Variants in EGFR observed in about 807,000 individuals in gnomAD.
EGFR encodes the protein avian erythroblastic leukemia viral (v-erb-b) oncogene homolog.
A neutral mutation model predicts 143.0 loss-of-function variants in EGFR; 58 were observed. That is an observed-to-expected ratio of 0.41 (90% CI 0.33 to 0.50). The LOEUF (loss-of-function observed/expected upper bound fraction) is 0.50, where lower values mean the gene tolerates loss of function less well. Among genes scored for constraint, EGFR ranks in the 20% least tolerant of loss-of-function variants. EGFR has a pLI of 0.39. For synonymous variants in EGFR, 613 were observed against 594.4 expected (o/e 1.03, Z -0.45); for missense variants, 1,307 against 1,579.0 (o/e 0.83, Z 2.92).
At chr7:55,073,485 C>A (rs145254890) in intron 1 of EGFR, among the ~76,000 whole-genome samples, 1 of 152,174 alleles carries the variant, frequency 6.6e-6, no homozygotes, top group Non-Finnish European at 1.5e-5. Context: ...AATACAGACA[C>A]GTTACCAGAA....
Position 55,202,604 on chromosome 7 carries a change from G to A in EGFR, c.3250G>A (p.Asp1084Asn), listed in dbSNP as rs535060253. The A allele has an allele frequency of 1.1e-5, 18 of 1,613,058 alleles. No individual in the cohort carries two copies. Among genetic ancestry groups the A allele is most frequent in the South Asian group, 1.1e-4 (10 of 90,830 alleles). ...CGCCTTGACTGAGGACAGCATAGACGACACCTTCCTCCCAGTGCCTGGTGA... is the reference window on the plus strand; with the variant it reads ...CGCCTTGACTGAGGACAGCATAGACAACACCTTCCTCCCAGTGCCTGGTGA... Reference protein sequence around the residue: ...TGALTEDSIDDTFLPVPEYIN... With the variant: ...TGALTEDSIDNTFLPVPEYIN... The change falls in exon 27 of 28, where the codon GAC (aspartate) becomes AAC (asparagine). Residue 1084 changes from aspartate to asparagine, a missense_variant. Physicochemically the swap from Asp to Asn is conservative, Grantham distance 23. Around this residue, in one of 7 missense-constraint regions of EGFR, gnomAD observed 313 missense variants for 312.3 expected, o/e 1.00. Coordinates refer to ENST00000275493, the MANE Select transcript of EGFR (RefSeq NM_005228.5).
intron 1 of EGFR, among the ~76,000 whole-genome samples, chr7:55,136,886 C>T (rs1445268971): frequency 6.6e-6 from 1 of 152,152 alleles, no homozygotes; most frequent in Non-Finnish European, 1.5e-5. Flanking sequence ...ATCATGTCTA[C>T]AAAATGCCAT....
intron 1 of EGFR, among the ~76,000 whole-genome samples, chr7:55,067,801 T>G (rs143434190): frequency 6.6e-6 from 1 of 151,308 alleles, no homozygotes; most frequent in Non-Finnish European, 1.5e-5. Context: ...TAGTTGCCAT[T>G]GTGTGTGCGC....
At chr7:55,053,087 T>C (rs1250264224) in intron 1 of EGFR, among the ~76,000 whole-genome samples, 1 of 152,166 alleles carries the variant, frequency 6.6e-6, no homozygotes, top group Admixed American at 6.6e-5. Context: ...GAGATGTTAT[T>C]TTGGCTTTTA....
intron 1 of EGFR, among the ~76,000 whole-genome samples, chr7:55,025,650 C>T (rs1786837895): frequency 6.6e-6 from 1 of 152,186 alleles, no homozygotes; most frequent in Non-Finnish European, 1.5e-5. Context: ...TCACATATTT[C>T]CGTGTCAGTT....
In EGFR at chr7:55,211,297, T is replaced by C. The variant is rs1225482128; in HGVS notation, c.*5680T>C. On this transcript the variant is annotated 3_prime_UTR_variant, in exon 28 of 28. Coordinates refer to ENST00000275493, the MANE Select transcript of EGFR (RefSeq NM_005228.5). ...AAAATAATCTTGCTGTACAATACAA[T>C]CTCTTGGAAATTAAGAGATCCTATG... is the stretch of plus-strand genomic sequence containing the variant. 1 of 152,224 alleles carries C rather than the reference T, an allele frequency of 6.6e-6. No individual in the cohort carries two copies. The highest frequency in any genetic ancestry group is 1.9e-4 in the East Asian group (1 of 5,206). 9.4% of individuals were successfully genotyped at this position (152,224 alleles called of 1,614,324 possible).
At chr7:55,171,655 A>G (rs1786359420) in intron 16 of EGFR, among the ~76,000 whole-genome samples, 2 of 152,082 alleles carry the variant, frequency 1.3e-5, no homozygotes, top group Admixed American at 1.3e-4. Flanking sequence ...TTTCTTTCCC[A>G]GACACACTGC....
At position 55,170,952 on chromosome 7, in the gene EGFR, C is replaced by T. The variant is rs991626943; in HGVS notation, c.1881-223C>T. 7.7e-6 allele frequency: 11 copies of T among 1,437,642 alleles called. No homozygotes were observed. In the African/African-American group the frequency reaches 1.0e-4, roughly 13 times the overall value. 89.1% of individuals were successfully genotyped at this position (1,437,642 alleles called of 1,614,324 possible). ...GCTTTGTTCAATGCTAGAACAACGC[C>T]TGTCACAGAGTAGAAACTCAAAAAT... is the stretch of plus-strand genomic sequence containing the variant. On this transcript the variant is annotated intron_variant, in intron 15 of 27. Coordinates refer to ENST00000275493, the MANE Select transcript of EGFR (RefSeq NM_005228.5).
intron 1 of EGFR, among the ~76,000 whole-genome samples, chr7:55,038,090 A>G (rs1372603330): frequency 2.0e-5 from 3 of 152,204 alleles, no homozygotes; most frequent in Non-Finnish European, 1.5e-5. Flanking sequence ...CTTGGTCTGA[A>G]AAGCCATAGA....
rs1314649810 is a variant in EGFR at position 55,173,122 on chromosome 7, G to A, written c.2059G>A (p.Glu687Lys). 6.2e-7 allele frequency: 1 copy of A among 1,609,844 alleles called. No individual in the cohort carries two copies. The highest frequency in any genetic ancestry group is 8.5e-7 in the Non-Finnish European group (1 of 1,179,928). The change falls in exon 17 of 28, where the codon GAG becomes AAG. Residue 687 changes from glutamate to lysine, a missense_variant and splice_region_variant. By Grantham distance (56) the Glu-to-Lys change is moderately conservative. This residue lies in a region of EGFR where 348 missense variants were observed against 451.5 expected (regional missense o/e 0.77). Coordinates refer to ENST00000275493, the MANE Select transcript of EGFR (RefSeq NM_005228.5). Reference sequence around the variant, plus strand: ...GCTGCGGAGGCTGCTGCAGGAGAGGGAGGTGAGTGCCAGTCCTGGGTGGGC... The same window carrying A: ...GCTGCGGAGGCTGCTGCAGGAGAGGAAGGTGAGTGCCAGTCCTGGGTGGGC... ...RTLRRLLQER[E>K]LVEPLTPSGE...
intron 1 of EGFR, among the ~76,000 whole-genome samples, chr7:55,079,778 G>A (rs1484137421): frequency 6.6e-6 from 1 of 152,144 alleles, no homozygotes; most frequent in East Asian, 1.9e-4. Context: ...AACAAGCCCA[G>A]TAGTCCGTGA....
At chr7:55,155,790 T>C in intron 7 of EGFR, 40 bp from the exon 8 acceptor site, 2 of 1,566,784 alleles carry the variant, frequency 1.3e-6, no homozygotes, top group Non-Finnish European at 1.8e-6. Context: ...GAGCACCTGG[T>C]GCCACCGTCA....
In EGFR at chr7:55,181,425, A is replaced by G. The variant is rs754652044; in HGVS notation, c.2416A>G (p.Lys806Glu). The G allele has an allele frequency of 8.7e-6, 14 of 1,614,076 alleles. No homozygotes were observed. The highest frequency in any genetic ancestry group is 1.1e-5 in the South Asian group (1 of 91,088). The part of the protein sequence containing the change: ...GCLLDYVREH[K>E]DNIGSQYLLN... ...CCTCCTGGACTATGTCCGGGAACAC[A>G]AAGACAATATTGGCTCCCAGTACCT... The change falls in exon 20 of 28, where the codon AAA (lysine) becomes GAA (glutamate). Residue 806 changes from lysine (K) to glutamate (E), a missense_variant. By Grantham distance (56) the Lys-to-Glu change is moderately conservative. Transcript: ENST00000275493.
Position 55,037,961 on chromosome 7 carries a change from A to G in EGFR, c.88+18596A>G, listed in dbSNP as rs59674064. Among the ~76,000 whole-genome samples the G allele has an allele frequency of 7.5e-3, 1,143 of 152,318 alleles. 17 individuals carry two copies. The highest frequency in any genetic ancestry group is 0.026 in the African/African-American group (1,076 of 41,568). The stretch of plus-strand genomic sequence containing the variant: ...CGATTCCACTCCAGCATTTCCAGTT[A>G]GTCGGGTGCCTCTGCACTCCCGGTG... On this transcript the variant is annotated intron_variant, in intron 1 of 27. Coordinates refer to ENST00000275493, the MANE Select transcript of EGFR (RefSeq NM_005228.5).
intron 1 of EGFR, among the ~76,000 whole-genome samples, chr7:55,141,231 C>T (rs987057229): frequency 6.6e-6 from 1 of 152,204 alleles, no homozygotes; most frequent in African/African-American, 2.4e-5. Context: ...TTTACACACT[C>T]TCTGCCTCAA....
In EGFR at chr7:55,154,282, A is replaced by T. The variant is rs2128935467; in HGVS notation, c.889+130A>T. The T allele has an allele frequency of 2.8e-6, 4 of 1,420,100 alleles. No individual in the cohort carries two copies. The Admixed American group carries it at 7.6e-5, about 27-fold the overall frequency. 88.0% of individuals were successfully genotyped at this position (1,420,100 alleles called of 1,614,324 possible). A position where few individuals can be genotyped will look rare whatever the true frequency, so the allele number is the denominator to read the frequency against. On this transcript the variant is annotated intron_variant, in intron 7 of 27. Coordinates refer to ENST00000275493, the MANE Select transcript of EGFR (RefSeq NM_005228.5). Reference sequence around the variant, plus strand: ...GTGTTTGCCTTGCTTGGAGGAGGCGACCCTGTGCCCGTCCAGGCACACAGG... The same window carrying T: ...GTGTTTGCCTTGCTTGGAGGAGGCGTCCCTGTGCCCGTCCAGGCACACAGG...
At chr7:55,203,657 C>CCACA (rs969252418) in intron 27 of EGFR, among the ~76,000 whole-genome samples, 3 of 140,276 alleles carry the variant, frequency 2.1e-5, no homozygotes, top group Non-Finnish European at 4.7e-5. Flanking sequence ...ACACCACACA[C>CCACA]CACACACACA....
chr7:55,165,904 G>T (rs17336947), intron 15 of EGFR, among the ~76,000 whole-genome samples: 3,967 of 152,286 alleles, frequency 0.026, 96 homozygotes, highest in Non-Finnish European at 0.035. Context: ...TGGGCCAGAC[G>T]CAGTGGCTCA....
intron 1 of EGFR, among the ~76,000 whole-genome samples, chr7:55,097,072 A>G (rs999828512): frequency 6.6e-6 from 1 of 152,184 alleles, no homozygotes; most frequent in South Asian, 2.1e-4. Flanking sequence ...GCTCTTTCTG[A>G]AGCCCAAGTC....
Sources: allele counts gnomAD v4.1 joint callset (sites outside exome capture counted in the v4.1 genomes callset), GRCh38; gene constraint gnomAD v4.1.1; regional missense constraint gnomAD v4.1.1; transcripts MANE v1.5; gene names NCBI Gene and HGNC (gene_info 2026-07-23, HGNC 2026-07-21).